The following HMG20A variants were observed in gnomAD, a reference collection of about 807,000 sequenced individuals.
HMG20A encodes the protein high mobility group protein 20A.
A neutral mutation model predicts 43.9 loss-of-function variants in HMG20A; 17 were observed. The observed-to-expected ratio is 0.39, with a 90% confidence interval of 0.27 to 0.58. The LOEUF is 0.58. Among genes scored for constraint, HMG20A ranks in the 20% least tolerant of loss-of-function variants. The pLI is 0.59. For synonymous variants in HMG20A, 132 were observed against 147.5 expected (o/e 0.89, Z 0.76); for missense variants, 341 against 438.2 (o/e 0.78, Z 1.98).
intron 1 of HMG20A, among the ~76,000 whole-genome samples, chr15:77,449,585 A>T (rs1017288987): frequency 6.6e-6 from 1 of 152,160 alleles, no homozygotes; most frequent in Non-Finnish European, 1.5e-5. Flanking sequence ...GTTCTCTGGC[A>T]TAATAAAATA....
chr15:77,438,216 C>G (rs1180800301), intron 1 of HMG20A, among the ~76,000 whole-genome samples: 1 of 146,164 alleles, frequency 6.8e-6, no homozygotes, highest in African/African-American at 2.6e-5. Context: ...TGGGCTCAAG[C>G]GATCCTCCCA....
chr15:77,448,571 T>A (rs969268929), intron 1 of HMG20A, among the ~76,000 whole-genome samples: 3 of 152,230 alleles, frequency 2.0e-5, no homozygotes, highest in African/African-American at 7.2e-5. Flanking sequence ...TTCTTGGTAC[T>A]TCAAACTATG....
rs1434256350 is a variant in HMG20A, at chr15:77,479,337, T to TA, written c.*6+19dup. On this transcript the variant is annotated intron_variant, in intron 9 of 9. Coordinates refer to ENST00000336216, the MANE Select transcript of HMG20A (RefSeq NM_001304504.2). ...TTAGGGAATGGTGAGTGCTCACTGA[T>TA]AAATATTTATATGCCAGCACATCAT... 1 of 1,609,548 alleles carries TA rather than the reference T, an allele frequency of 6.2e-7. No individual in the cohort carries two copies. Among genetic ancestry groups the TA allele is most frequent in the East Asian group, 2.2e-5 (1 of 44,844 alleles).
the HMG20A span, among the ~76,000 whole-genome samples, chr15:77,497,111 CA>C: frequency 6.6e-5 from 10 of 152,234 alleles, no homozygotes; most frequent in Non-Finnish European, 1.5e-4. Flanking sequence ...AAGGGGCCTG[CA>C]GCTCCTTGCT....
intron 3 of HMG20A, among the ~76,000 whole-genome samples, 166 bp from the exon 4 acceptor site, chr15:77,466,929 A>G (rs2072761722): frequency 6.6e-6 from 1 of 152,246 alleles, no homozygotes; most frequent in Non-Finnish European, 1.5e-5. Flanking sequence ...CATTGCTGTC[A>G]TTTGTATATT....
rs2073483414 is a variant in HMG20A, at chr15:77,431,409, A to T, written c.-5+10405A>T. ...GTATTTTTAGTAGAGACAAGGTTTC[A>T]CCATGTTGGCCAGGCTGGTCTCGAA... On this transcript the variant is annotated intron_variant, in intron 1 of 9. Transcript: ENST00000336216. Among the ~76,000 whole-genome samples the T allele has an allele frequency of 2.0e-5, 3 of 152,202 alleles. No homozygotes were observed. The South Asian group carries it at 6.2e-4, about 32-fold the overall frequency.
At chr15:77,514,592 G>A in the HMG20A span, among the ~76,000 whole-genome samples, 64 of 152,340 alleles carry the variant, frequency 4.2e-4, no homozygotes, top group African/African-American at 1.4e-3. Flanking sequence ...ACTGAAATAA[G>A]GTTAGTGTGT....
At chr15:77,433,178 T>A (rs759567640) in intron 1 of HMG20A, among the ~76,000 whole-genome samples, 2 of 151,984 alleles carry the variant, frequency 1.3e-5, no homozygotes, top group Non-Finnish European at 2.9e-5. Flanking sequence ...AGACCCTGTC[T>A]CTACAAGAAC....
At chr15:77,480,574 T>C (rs1050732955) in intron 9 of HMG20A, among the ~76,000 whole-genome samples, 1 of 149,728 alleles carries the variant, frequency 6.7e-6, no homozygotes, top group Non-Finnish European at 1.5e-5. Flanking sequence ...GTCACACTAG[T>C]GTATTCTAGC....
the HMG20A span, among the ~76,000 whole-genome samples, chr15:77,500,936 C>T: frequency 6.6e-6 from 1 of 152,170 alleles, no homozygotes; most frequent in Non-Finnish European, 1.5e-5. Context: ...GCTTTTCTTA[C>T]CTTGTCCTTC....
intron 1 of HMG20A, among the ~76,000 whole-genome samples, chr15:77,453,669 A>T (rs1245241905): frequency 1.3e-5 from 2 of 152,182 alleles, no homozygotes; most frequent in Non-Finnish European, 2.9e-5. Flanking sequence ...AGTAGAAACA[A>T]CCCAAGTCTA....
chr15:77,440,699 C>G (rs1421643002), intron 1 of HMG20A, among the ~76,000 whole-genome samples: 2 of 152,180 alleles, frequency 1.3e-5, no homozygotes, highest in Admixed American at 6.5e-5. Context: ...TGCTTATAGA[C>G]TCAGATTTTC....
chr15:77,506,872 G>A, the HMG20A span, among the ~76,000 whole-genome samples: 3 of 152,212 alleles, frequency 2.0e-5, no homozygotes, highest in South Asian at 2.1e-4. Context: ...AAGGAAGGTC[G>A]GCCAGCGCCT....
chr15:77,477,572 G>A lies in HMG20A; in HGVS notation c.633G>A (p.Lys211=), dbSNP rs143239883. ...ATTCACAGAAAGAAACAGAGGTAAA[G>A]GAACGGTCTGTTTTTGACATCCCTA... is the stretch of plus-strand genomic sequence containing the variant. ...THDHEKETEV[K]ERSVFDIPIF... Residue 211 remains lysine (K), a synonymous_variant, in exon 7 of 10, where the codon AAG becomes AAA. Transcript: ENST00000336216. 2.9e-5 allele frequency: 46 copies of A among 1,611,342 alleles called. No individual in the cohort carries two copies. The African/African-American group carries it at 5.1e-4, about 18-fold the overall frequency.
chr15:77,507,413 G>A, the HMG20A span, among the ~76,000 whole-genome samples: 3 of 152,176 alleles, frequency 2.0e-5, no homozygotes, highest in East Asian at 1.9e-4. Context: ...GCCTCCCTCC[G>A]CTGTGCCTGG....
Position 77,471,795 on chromosome 15 carries a change from A to G in HMG20A, c.596A>G (p.Gln199Arg), listed in dbSNP as rs2072811385. Residue 199 changes from glutamine (Q) to arginine (R), a missense_variant, in exon 6 of 10, where the codon CAG (glutamine) becomes CGG (arginine). Gln to Arg is a conservative substitution (Grantham distance 43, BLOSUM62 1). Transcript: ENST00000336216. ...GKSHRQDAAR[Q>R]ATHDHEKETE... ...TTTATATTTTTAGATGCAGCCCGGC[A>G]GGCCACTCATGATCATGAGGTAATT... 6.4e-7 allele frequency: 1 copy of G among 1,572,422 alleles called. No homozygotes were observed. The highest frequency in any genetic ancestry group is 8.7e-7 in the Non-Finnish European group (1 of 1,148,488).
intron 1 of HMG20A, chr15:77,447,817 C>G (rs182439216): frequency 5.3e-5 from 8 of 152,292 alleles, no homozygotes; most frequent in Non-Finnish European, 8.8e-5. Context: ...TGAAGGTGAT[C>G]AACAAATGTT....
chr15:77,429,065 G>A (rs34660075), intron 1 of HMG20A, among the ~76,000 whole-genome samples: 14,995 of 151,878 alleles, frequency 0.099, 818 homozygotes, highest in African/African-American at 0.11. Context: ...TATGTTGGCC[G>A]GGCACAGTGG....
At chr15:77,450,333 G>GAT (rs2142311105) in intron 1 of HMG20A, among the ~76,000 whole-genome samples, 1 of 152,228 alleles carries the variant, frequency 6.6e-6, no homozygotes, top group East Asian at 1.9e-4. Context: ...CACATAATGA[G>GAT]ATATGTTGGG....
Sources: allele counts gnomAD v4.1 joint callset (sites outside exome capture counted in the v4.1 genomes callset), GRCh38; gene constraint gnomAD v4.1.1; transcripts MANE v1.5; gene names NCBI Gene and HGNC (gene_info 2026-07-23, HGNC 2026-07-21).